Variants in RNF213 observed in about 807,000 individuals in gnomAD.
RNF213 encodes the protein ring finger protein 213, also known as E3 ubiquitin-protein ligase RNF213.
In RNF213, 341 loss-of-function variants were observed where a neutral mutation model predicts 514.4. That is an observed-to-expected ratio of 0.66 (90% CI 0.61 to 0.73). The LOEUF (loss-of-function observed/expected upper bound fraction) is 0.73, where lower values mean the gene tolerates loss of function less well. Ranked by LOEUF, RNF213 falls within the 30% of genes least tolerant of loss-of-function variation. The probability of loss-of-function intolerance (pLI) is 0.00; values close to 1 mark genes in which losing one functional copy is unlikely to be tolerated. For synonymous variants in RNF213, 2,655 were observed against 2,658.2 expected (o/e 1.00, Z 0.04); for missense variants, 5,767 against 6,615.6 (o/e 0.87, Z 4.45).
intron 62 of RNF213, 39 bp downstream of exon 62, chr17:80,386,469 C>A: frequency 1.2e-6 from 2 of 1,605,586 alleles, no homozygotes; most frequent in Non-Finnish European, 8.5e-7. Flanking sequence ...GCCTGCTCAG[C>A]CCAGAGTCCC....
chr17:80,325,921 C>A (rs1287730531), intron 18 of RNF213, among the ~76,000 whole-genome samples: 2 of 149,356 alleles, frequency 1.3e-5, no homozygotes, highest in Non-Finnish European at 1.5e-5. Context: ...TTGAAAAGAT[C>A]ATTTTTGTGT....
intron 57 of RNF213, chr17:80,382,735 C>G (rs754039360): frequency 3.6e-5 from 15 of 416,210 alleles, no homozygotes; most frequent in Non-Finnish European, 6.3e-5. Flanking sequence ...TAATTTTTTT[C>G]AAAATGGGTC....
intron 11 of RNF213, among the ~76,000 whole-genome samples, chr17:80,300,783 C>T (rs915385505): frequency 6.6e-6 from 1 of 152,120 alleles, no homozygotes; most frequent in Non-Finnish European, 1.5e-5. Context: ...AACCCCAGAC[C>T]TCAAGTGATC....
At chr17:80,338,239 G>A (rs964495291) in intron 25 of RNF213, among the ~76,000 whole-genome samples, 2 of 152,132 alleles carry the variant, frequency 1.3e-5, no homozygotes, top group Admixed American at 6.6e-5. Flanking sequence ...CTTACGATCC[G>A]TAGGATGAAC....
intron 3 of RNF213, among the ~76,000 whole-genome samples, chr17:80,283,501 G>A (rs543300386): frequency 8.1e-4 from 123 of 152,356 alleles, no homozygotes; most frequent in African/African-American, 2.9e-3. Context: ...CCGTGTTGTG[G>A]GCAGAGGGAG....
intron 42 of RNF213, among the ~76,000 whole-genome samples, chr17:80,366,874 C>T (rs535398521): frequency 6.6e-6 from 1 of 152,310 alleles, no homozygotes; most frequent in Admixed American, 6.5e-5. Flanking sequence ...CAACATCATG[C>T]CTGCCCATCA....
chr17:80,331,879 A>C lies in RNF213; in HGVS notation c.3518-127A>C, dbSNP rs556407499. 7.1e-4 allele frequency: 810 copies of C among 1,138,260 alleles called. 10 individuals carry two copies. The highest frequency in any genetic ancestry group is 1.4e-4 in the Non-Finnish European group (113 of 828,678). The allele number at this position is 1,138,260 out of a possible 1,614,324, so 70.5% of individuals were successfully genotyped here. On this transcript the variant is annotated intron_variant, in intron 20 of 67. Coordinates refer to ENST00000582970, the MANE Select transcript of RNF213 (RefSeq NM_001256071.3). ...GACCTGTGAACTCTTCCTGAGAAAG[A>C]AATCCTAGCAGCTGTGTGCTCTTGA... is the stretch of plus-strand genomic sequence containing the variant.
rs2079662628 is a variant in RNF213 at position 80,374,502 on chromosome 17, G to A, written c.12987G>A (p.Val4329=). The part of the protein sequence containing the change: ...DHPGQMDRYL[V]YGDEYKALRD... ...CAGGCCAGATGGATAGGTACCTGGTGTACGGCGATGAATACAAGGCTCTCC... is the reference window on the plus strand; with the variant it reads ...CAGGCCAGATGGATAGGTACCTGGTATACGGCGATGAATACAAGGCTCTCC... The change falls in exon 50 of 68, where the codon GTG becomes GTA. Residue 4329 remains valine (V), a synonymous_variant. Coordinates refer to ENST00000582970, the MANE Select transcript of RNF213 (RefSeq NM_001256071.3). 5 of 1,614,234 alleles carry A rather than the reference G, an allele frequency of 3.1e-6. No homozygotes were observed. The highest frequency in any genetic ancestry group is 2.2e-5 in the South Asian group (2 of 91,090).
chr17:80,381,431 T>C (rs1279523136), intron 56 of RNF213, 116 bp from the exon 57 acceptor site: 3 of 1,133,096 alleles, frequency 2.6e-6, no homozygotes, highest in African/African-American at 3.0e-5. Flanking sequence ...GTTTTCATCT[T>C]AGAAACCGCC....
Position 80,386,315 on chromosome 17 carries a change from C to T in RNF213, c.14605C>T (p.Leu4869Phe), listed in dbSNP as rs982657497. The change falls in exon 62 of 68, where the codon CTC (leucine) becomes TTC (phenylalanine). Residue 4869 changes from leucine (L) to phenylalanine (F), a missense_variant. By Grantham distance (22) the Leu-to-Phe change is conservative. Around this residue, in one of 13 missense-constraint regions of RNF213, gnomAD observed 1,245 missense variants for 1,339.0 expected, o/e 0.93. Transcript: ENST00000582970. ...GGATCTGGACACTGAGTTTGAGATCCTCTTGCCACGCCGACGGGGCCTGGG... is the reference window on the plus strand; with the variant it reads ...GGATCTGGACACTGAGTTTGAGATCTTCTTGCCACGCCGACGGGGCCTGGG... ...DLDLDTEFEI[L>F]LPRRRGLGLC... The T allele has an allele frequency of 1.7e-5, 27 of 1,613,886 alleles. No homozygotes were observed. Among genetic ancestry groups the T allele is most frequent in the Non-Finnish European group, 2.3e-5 (27 of 1,180,036 alleles).
Position 80,364,467 on chromosome 17 carries a change from T to G in RNF213, c.11785T>G (p.Phe3929Val). ...GAGTCGGATTTTCTCCACCGCACTC[T>G]TCGTGGAGCACGTGCTCCTAGGAAC... The part of the protein sequence containing the change: ...QWSRIFSTAL[F>V]VEHVLLGTES... The change falls in exon 42 of 68, where the codon TTC becomes GTC. Residue 3929 changes from phenylalanine (F) to valine (V), a missense_variant. Transcript: ENST00000582970. 6.2e-7 allele frequency: 1 copy of G among 1,614,164 alleles called. No homozygotes were observed. The highest frequency in any genetic ancestry group is 1.1e-5 in the South Asian group (1 of 91,082).
Position 80,263,477 on chromosome 17 carries a change from C to A in RNF213, c.-108-97C>A. The A allele has an allele frequency of 1.7e-6, 1 of 586,808 alleles. No individual in the cohort carries two copies. The highest frequency in any genetic ancestry group is 2.5e-5 in the Admixed American group (1 of 40,390). The allele number at this position is 586,808 out of a possible 1,614,324, so 36.4% of individuals were successfully genotyped here. A position where few individuals can be genotyped will look rare whatever the true frequency, so the allele number is the denominator to read the frequency against. On this transcript the variant is annotated intron_variant, in intron 1 of 67. Coordinates refer to ENST00000582970, the MANE Select transcript of RNF213 (RefSeq NM_001256071.3). The surrounding 1 kb of genome is among the most constrained non-coding windows in gnomAD (Gnocchi z 4.9). ...TGCAAAAGCTTGAGAGCCAAGGGGG[C>A]AGCACAGAGCGGGGAGGGGCTGGGC...
chr17:80,267,033 G>A (rs1375095911), intron 2 of RNF213, among the ~76,000 whole-genome samples: 14 of 151,820 alleles, frequency 9.2e-5, no homozygotes, highest in Admixed American at 6.6e-4. Flanking sequence ...CCTGGCCAAC[G>A]TGGTGAAACC....
At position 80,337,917 on chromosome 17, in the gene RNF213, G is replaced by A. The variant is rs1170752314; in HGVS notation, c.4753G>A (p.Val1585Met). ...GTCACGAGAGTACTCTTTAGAGGAG[G>A]TGAAGGAGCTTTTGAACAAGTTGAT... is the stretch of plus-strand genomic sequence containing the variant. ...EESREYSLEE[V>M]KELLNKLMLM... Residue 1585 changes from valine (V) to methionine (M), a missense_variant, in exon 25 of 68, where the codon GTG becomes ATG. Physicochemically the swap from Val to Met is conservative, Grantham distance 21. Around this residue, in one of 13 missense-constraint regions of RNF213, gnomAD observed 1,377 missense variants for 1,635.2 expected, o/e 0.84. Coordinates refer to ENST00000582970, the MANE Select transcript of RNF213 (RefSeq NM_001256071.3). The A allele has an allele frequency of 2.6e-6, 4 of 1,537,308 alleles. No homozygotes were observed. Among genetic ancestry groups the A allele is most frequent in the Non-Finnish European group, 3.5e-6 (4 of 1,146,918 alleles).
chr17:80,339,494 G>T lies in RNF213; in HGVS notation c.5127G>T (p.Leu1709=). The T allele has an allele frequency of 6.5e-7, 1 of 1,537,238 alleles. No homozygotes were observed. Among genetic ancestry groups the T allele is most frequent in the African/African-American group, 1.4e-5 (1 of 73,160 alleles). The change falls in exon 26 of 68, where the codon CTG becomes CTT. Residue 1709 remains leucine (L), a synonymous_variant. Coordinates refer to ENST00000582970, the MANE Select transcript of RNF213 (RefSeq NM_001256071.3). ...FYLNFYTAEQ[L]VYLSTELRKQ... ...TGAACTTCTACACGGCAGAGCAGCT[G>T]GTTTACCTGAGCACTGAGCTCAGGA...
At position 80,379,483 on chromosome 17, in the gene RNF213, C is replaced by G. The variant is rs557788719; in HGVS notation, c.13546-137C>G. The G allele has an allele frequency of 7.0e-6, 6 of 859,520 alleles. No homozygotes were observed. The Admixed American group carries it at 7.4e-5, about 11-fold the overall frequency. The allele number at this position is 859,520 out of a possible 1,614,324, so 53.2% of individuals were successfully genotyped here. ...TGTTCCCATGGGTTCTCCACCCACC[C>G]GAAACAAGCACACACTGGGACAATC... On this transcript the variant is annotated intron_variant, in intron 54 of 67. Transcript: ENST00000582970.
At chr17:80,366,529 C>G (rs937914983) in intron 42 of RNF213, among the ~76,000 whole-genome samples, 2 of 152,090 alleles carry the variant, frequency 1.3e-5, no homozygotes, top group Non-Finnish European at 2.9e-5. Flanking sequence ...CATTTGCTGT[C>G]TTCTCTGGAG....
At chr17:80,349,685 T>C (rs778457414) in intron 29 of RNF213, 85 bp from the exon 30 acceptor site, 294 of 1,452,864 alleles carry the variant, frequency 2.0e-4, no homozygotes, top group Non-Finnish European at 2.7e-4. Flanking sequence ...ACATCGCAGG[T>C]TTCTAGGATC....
chr17:80,391,439 T>G (rs529932683), intron 67 of RNF213, among the ~76,000 whole-genome samples: 1 of 152,156 alleles, frequency 6.6e-6, no homozygotes, highest in South Asian at 2.1e-4. Context: ...CCCAGCTAAT[T>G]TTTTCTATTT....
Sources: gnomAD v4.1 joint callset for allele counts (sites outside exome capture counted in the v4.1 genomes callset) on GRCh38, gnomAD v4.1.1 for gene constraint, gnomAD v4.1.1 regional missense constraint, Gnocchi (gnomAD v3.1) non-coding constraint, MANE v1.5 for transcripts, NCBI Gene and HGNC (gene_info 2026-07-23, HGNC 2026-07-21) for gene names.